NEURL1: variants seen among roughly 807,000 people sequenced by gnomAD.
NEURL1 encodes the protein neuralized E3 ubiquitin protein ligase 1.
A neutral mutation model predicts 41.2 loss-of-function variants in NEURL1; 26 were observed. That is an observed-to-expected ratio of 0.63 (90% confidence interval 0.46 to 0.87). The LOEUF is 0.87. Among genes scored for constraint, NEURL1 ranks in the 40% least tolerant of loss-of-function variants. The pLI, the probability that NEURL1 is intolerant of heterozygous loss-of-function variation, is 0.00. For missense variants in NEURL1, 761 were observed against 871.1 expected (o/e 0.87, Z 1.59); for synonymous variants, 400 against 402.3 (o/e 0.99, Z 0.07).
At chr10:103,555,058 T>C (rs1192959217) in intron 1 of NEURL1, among the ~76,000 whole-genome samples, 1 of 151,924 alleles carries the variant, frequency 6.6e-6, no homozygotes, top group Non-Finnish European at 1.5e-5. Flanking sequence ...CCTCCTTATG[T>C]AAATAAACAT....
chr10:103,590,126 GT>G lies in NEURL1; in HGVS notation c.1487-7del, dbSNP rs2036007134. The stretch of plus-strand genomic sequence containing the variant: ...GTCTCCTCCTGACTGGTGCCCCCTT[GT>G]CCTCAGGGACAGCCCCCAATTCGCC... On this transcript the variant is annotated splice_polypyrimidine_tract_variant and splice_region_variant and intron_variant, in intron 5 of 5. Coordinates refer to ENST00000369780, the MANE Select transcript of NEURL1 (RefSeq NM_004210.5). 1 of 1,612,846 alleles carries G rather than the reference GT, an allele frequency of 6.2e-7. No individual in the cohort carries two copies. The highest frequency in any genetic ancestry group is 1.7e-5 in the Admixed American group (1 of 60,008).
chr10:103,558,134 T>A lies in NEURL1; in HGVS notation c.86-12738T>A. 1 of 966,034 alleles carries A rather than the reference T, an allele frequency of 1.0e-6. No individual in the cohort carries two copies. The highest frequency in any genetic ancestry group is 4.8e-5 in the South Asian group (1 of 20,892). The allele number at this position is 966,034 out of a possible 1,614,324, so 59.8% of individuals were successfully genotyped here. On this transcript the variant is annotated intron_variant, in intron 1 of 5. Coordinates refer to ENST00000369780, the MANE Select transcript of NEURL1 (RefSeq NM_004210.5). This position sits in a 1 kb window ranked among gnomAD's most constrained non-coding sequence, Gnocchi z 4.2. ...ACCTCGTGATCCACCTGTGTCGGCC[T>A]CCCAAAGTGCTGGGTTTACAGGTGT...
chr10:103,504,710 C>T (rs1036000652), intron 1 of NEURL1, among the ~76,000 whole-genome samples: 45 of 152,322 alleles, frequency 3.0e-4, no homozygotes, highest in African/African-American at 1.0e-3. Flanking sequence ...TGGGTGTTTA[C>T]GTTCCACCTC....
chr10:103,573,726 G>A (rs938812038), intron 3 of NEURL1, among the ~76,000 whole-genome samples: 2 of 152,194 alleles, frequency 1.3e-5, no homozygotes, highest in Non-Finnish European at 2.9e-5. Flanking sequence ...CTGCTCCTGA[G>A]AAAGCCACAG....
At chr10:103,543,224 T>C (rs924455385) in intron 1 of NEURL1, among the ~76,000 whole-genome samples, 1 of 152,128 alleles carries the variant, frequency 6.6e-6, no homozygotes, top group Non-Finnish European at 1.5e-5. Context: ...CCAGGGAAGA[T>C]GGTCAGATAA....
intron 1 of NEURL1, among the ~76,000 whole-genome samples, chr10:103,534,011 C>A (rs1202323430): frequency 6.6e-6 from 1 of 152,046 alleles, no homozygotes; most frequent in African/African-American, 2.4e-5. Flanking sequence ...CTTTCTTCTG[C>A]TTGATCAAGC....
chr10:103,574,026 G>C (rs2133879094), intron 3 of NEURL1, among the ~76,000 whole-genome samples: 1 of 152,344 alleles, frequency 6.6e-6, no homozygotes, highest in African/African-American at 2.4e-5. Flanking sequence ...CTGCTCTCCA[G>C]AGTGGAGGCT....
intron 1 of NEURL1, among the ~76,000 whole-genome samples, chr10:103,547,532 G>A (rs1173792577): frequency 6.6e-6 from 1 of 152,216 alleles, no homozygotes; most frequent in African/African-American, 2.4e-5. Context: ...AGCTGGACCT[G>A]GGAGAGGCAG....
chr10:103,550,719 T>C (rs1409310765), intron 1 of NEURL1: 1 of 152,262 alleles, frequency 6.6e-6, no homozygotes, highest in East Asian at 1.9e-4. Context: ...TTCTCTCCTC[T>C]AAGCAAGAGG....
chr10:103,571,496 C>A lies in NEURL1; in HGVS notation c.328-5C>A. On this transcript the variant is annotated splice_polypyrimidine_tract_variant and splice_region_variant and intron_variant, in intron 2 of 5. Transcript: ENST00000369780. The stretch of plus-strand genomic sequence containing the variant: ...GGTGGGCTGAGGCCACCCCCTGCCA[C>A]CCAGATCACCAAGAAGCAGTGCTGC... 1 of 1,596,356 alleles carries A rather than the reference C, an allele frequency of 6.3e-7. No individual in the cohort carries two copies. Among genetic ancestry groups the A allele is most frequent in the Non-Finnish European group, 8.5e-7 (1 of 1,176,046 alleles).
intron 3 of NEURL1, among the ~76,000 whole-genome samples, chr10:103,575,105 C>T (rs1387113180): frequency 2.0e-5 from 3 of 152,044 alleles, no homozygotes; most frequent in African/African-American, 7.3e-5. Context: ...AGATACTCCC[C>T]TCTACCCCAG....
chr10:103,533,782 C>T (rs533964081), intron 1 of NEURL1, among the ~76,000 whole-genome samples: 33 of 152,254 alleles, frequency 2.2e-4, no homozygotes, highest in East Asian at 5.8e-4. Context: ...CTGATCCGCC[C>T]GCCTTGGCCT....
chr10:103,534,196 A>G (rs1238690623), intron 1 of NEURL1, among the ~76,000 whole-genome samples: 1 of 85,502 alleles, frequency 1.2e-5, no homozygotes, highest in African/African-American at 4.3e-5. Flanking sequence ...TTTTTTTTGT[A>G]TCTTGTTGAT....
At chr10:103,585,289 A>T (rs1592243799) in intron 4 of NEURL1, 64 bp downstream of exon 4, 3 of 1,351,716 alleles carry the variant, frequency 2.2e-6, no homozygotes, top group Non-Finnish European at 2.9e-6. Context: ...TCCGGGTAGG[A>T]GACAAAGGGC....
intron 1 of NEURL1, among the ~76,000 whole-genome samples, chr10:103,549,913 T>C (rs998609825): frequency 5.3e-5 from 8 of 152,356 alleles, no homozygotes; most frequent in African/African-American, 1.9e-4. Context: ...TGGCAAAGTC[T>C]CTATCATTTA....
At chr10:103,574,711 G>A (rs367940536) in intron 3 of NEURL1, among the ~76,000 whole-genome samples, 2 of 152,320 alleles carry the variant, frequency 1.3e-5, no homozygotes, top group East Asian at 1.9e-4. Context: ...AGGAGGGCTT[G>A]GAGAATAATC....
rs1330713137 is a variant in NEURL1, at chr10:103,585,113, G to A, written c.1227G>A (p.Leu409=). Residue 409 remains leucine, a synonymous_variant, in exon 4 of 6, where the codon CTG becomes CTA. Coordinates refer to ENST00000369780, the MANE Select transcript of NEURL1 (RefSeq NM_004210.5). ...TGGTGGTCAACGCCGACGGCGAGCTGCACCTCAGCCACAATGGCGCGGCCG... is the reference window on the plus strand; with the variant it reads ...TGGTGGTCAACGCCGACGGCGAGCTACACCTCAGCCACAATGGCGCGGCCG... ...LGLVVNADGE[L]HLSHNGAAAG... 1.3e-6 allele frequency: 2 copies of A among 1,590,802 alleles called. No individual in the cohort carries two copies. Among genetic ancestry groups the A allele is most frequent in the Admixed American group, 1.7e-5 (1 of 59,176 alleles).
At chr10:103,563,028 C>G (rs1000272956) in intron 1 of NEURL1, among the ~76,000 whole-genome samples, 6 of 152,150 alleles carry the variant, frequency 3.9e-5, no homozygotes, top group Non-Finnish European at 8.8e-5. Flanking sequence ...TAAATCCTTT[C>G]CCCCAGAGGG....
At chr10:103,529,635 C>G (rs577563089) in intron 1 of NEURL1, among the ~76,000 whole-genome samples, 8 of 152,154 alleles carry the variant, frequency 5.3e-5, no homozygotes, top group Non-Finnish European at 8.8e-5. Context: ...AACTATATTG[C>G]CATAAGTTAA....
Sources: allele counts gnomAD v4.1 joint callset (sites outside exome capture counted in the v4.1 genomes callset), GRCh38; gene constraint gnomAD v4.1.1; non-coding constraint Gnocchi (gnomAD v3.1); transcripts MANE v1.5; gene names NCBI Gene and HGNC (gene_info 2026-07-23, HGNC 2026-07-21).